EML1: variants seen among roughly 807,000 people sequenced by gnomAD.
EML1 encodes echinoderm microtubule-associated protein-like 1.
EML1 carries 27 observed loss-of-function variants against 110.4 expected under a neutral mutation model. That is an observed-to-expected ratio of 0.24 (90% CI 0.18 to 0.34). EML1 has a LOEUF of 0.34. Ranked by LOEUF, EML1 falls within the 10% of genes least tolerant of loss-of-function variation. The pLI, the probability that EML1 is intolerant of heterozygous loss-of-function variation, is 1.00. For synonymous variants in EML1, 344 were observed against 385.8 expected, an observed-to-expected ratio of 0.89 and a Z score of 1.27; for missense variants, 741 against 1,030.9, an observed-to-expected ratio of 0.72 and a Z score of 3.85.
chr14:99,786,653 C>T (rs1388179026), intron 1 of EML1, among the ~76,000 whole-genome samples: 3 of 152,202 alleles, frequency 2.0e-5, no homozygotes, highest in African/African-American at 4.8e-5. Context: ...GTGCACGGCA[C>T]GTCTGAGAGT....
At chr14:99,935,643 C>T (rs564190735) in intron 17 of EML1, among the ~76,000 whole-genome samples, 2 of 152,082 alleles carry the variant, frequency 1.3e-5, no homozygotes, top group Admixed American at 1.3e-4. Flanking sequence ...ATTAGCCAAG[C>T]GTGGTGGCAC....
chr14:99,898,123 AG>A, intron 7 of EML1, 109 bp from the exon 8 acceptor site: 1 of 796,980 alleles, frequency 1.3e-6, no homozygotes, highest in Non-Finnish European at 1.8e-6. Flanking sequence ...GTAAGAAGTT[AG>A]GCATTATATA....
At chr14:99,811,438 A>G (rs544583216) in intron 1 of EML1, among the ~76,000 whole-genome samples, 4 of 150,636 alleles carry the variant, frequency 2.7e-5, no homozygotes, top group Admixed American at 1.3e-4. Context: ...CGATTAACAC[A>G]TATTTTGTAT....
chr14:99,805,489 C>A (rs1167280766), intron 1 of EML1, among the ~76,000 whole-genome samples: 2 of 151,946 alleles, frequency 1.3e-5, no homozygotes, highest in African/African-American at 4.8e-5. Flanking sequence ...TTTTTTAAAT[C>A]TTTTGAGGTA....
Position 99,905,276 on chromosome 14 carries a change from C to T in EML1, c.1009-2362C>T, listed in dbSNP as rs2059825738. 6.6e-6 allele frequency among the ~76,000 whole-genome samples: 1 copy of T among 152,232 alleles called. No individual in the cohort carries two copies. The highest frequency in any genetic ancestry group is 2.4e-5 in the African/African-American group (1 of 41,460). ...ATTAGCCATTCAGCTCAGCACCCAGCACCCAAAATCAAACTGGCAGGGCTC... is the reference window on the plus strand; with the variant it reads ...ATTAGCCATTCAGCTCAGCACCCAGTACCCAAAATCAAACTGGCAGGGCTC... On this transcript the variant is annotated intron_variant, in intron 9 of 21. Coordinates refer to ENST00000262233, the MANE Select transcript of EML1 (RefSeq NM_004434.3). This position sits in a 1 kb window ranked among gnomAD's most constrained non-coding sequence, Gnocchi z 4.1.
chr14:99,777,344 C>T (rs926712863), intron 1 of EML1, among the ~76,000 whole-genome samples: 1 of 152,174 alleles, frequency 6.6e-6, no homozygotes, highest in Non-Finnish European at 1.5e-5. Context: ...CTTCCTACCT[C>T]CCGGAAGCAG....
intron 2 of EML1, among the ~76,000 whole-genome samples, chr14:99,851,591 G>A (rs2058805180): frequency 6.6e-6 from 1 of 152,222 alleles, no homozygotes; most frequent in African/African-American, 2.4e-5. Context: ...ACAGGCGTGA[G>A]CCACTGCGCC....
intron 1 of EML1, among the ~76,000 whole-genome samples, chr14:99,741,243 T>C (rs1203479596): frequency 1.3e-5 from 2 of 152,214 alleles, no homozygotes; most frequent in Admixed American, 6.5e-5. Flanking sequence ...AGAGTGACCC[T>C]GTCTCTCCTC....
chr14:99,830,044 G>A (rs886872249), intron 1 of EML1, among the ~76,000 whole-genome samples: 6 of 152,186 alleles, frequency 3.9e-5, no homozygotes, highest in Non-Finnish European at 7.3e-5. Context: ...GTGATCCTAC[G>A]TTTAACTTTT....
Position 99,807,262 on chromosome 14 carries a change from C to CTT in EML1, c.67+13719_67+13720insTT, listed in dbSNP as rs549019545. Among the ~76,000 whole-genome samples the CTT allele has an allele frequency of 1.1e-4, 16 of 152,358 alleles. No individual in the cohort carries two copies. The South Asian group carries it at 2.9e-3, about 28-fold the overall frequency. On this transcript the variant is annotated intron_variant, in intron 1 of 21. Coordinates refer to ENST00000262233, the MANE Select transcript of EML1 (RefSeq NM_004434.3). ...AGTGCATAGGCTTTGGAGACAGACACATCTGGGTTGCAGCCTTGATTCTGC... is the reference window on the plus strand; with the variant it reads ...AGTGCATAGGCTTTGGAGACAGACACTTATCTGGGTTGCAGCCTTGATTCTGC...
At chr14:99,904,929 G>A (rs2059818965) in intron 9 of EML1, among the ~76,000 whole-genome samples, 1 of 152,110 alleles carries the variant, frequency 6.6e-6, no homozygotes, top group Non-Finnish European at 1.5e-5. Context: ...ATAACACAAA[G>A]CACAACAGAT....
At chr14:99,795,079 C>A (rs1263214030) in intron 1 of EML1, among the ~76,000 whole-genome samples, 2 of 152,174 alleles carry the variant, frequency 1.3e-5, no homozygotes, top group African/African-American at 2.4e-5. Flanking sequence ...GACTTTGAGG[C>A]ATCAGGTCTT....
intron 1 of EML1, among the ~76,000 whole-genome samples, chr14:99,760,359 T>TC (rs1408242588): frequency 1.3e-5 from 2 of 151,994 alleles, no homozygotes; most frequent in East Asian, 1.9e-4. Context: ...TCCAGTTTCC[T>TC]CCCCCCACCC....
At chr14:99,785,663 C>G (rs1423754843) in intron 1 of EML1, among the ~76,000 whole-genome samples, 19 of 152,102 alleles carry the variant, frequency 1.2e-4, no homozygotes, top group Non-Finnish European at 2.5e-4. Context: ...CTTTGAAGAG[C>G]TAGCATGTAA....
upstream of EML1, among the ~76,000 whole-genome samples, chr14:99,772,404 C>T (rs745984760): frequency 5.9e-5 from 9 of 152,192 alleles, no homozygotes; most frequent in Non-Finnish European, 1.3e-4. Context: ...TCCAGGGCTG[C>T]TTCTCTTGCT....
At chr14:99,744,363 C>T (rs964771414) in intron 1 of EML1, among the ~76,000 whole-genome samples, 1 of 152,118 alleles carries the variant, frequency 6.6e-6, no homozygotes, top group Non-Finnish European at 1.5e-5. Context: ...AGAGAGATGG[C>T]GACACAGCAC....
Position 99,909,421 on chromosome 14 carries a change from A to G in EML1, c.1181A>G (p.His394Arg). 1.2e-6 allele frequency: 2 copies of G among 1,614,214 alleles called. No individual in the cohort carries two copies. Among genetic ancestry groups the G allele is most frequent in the Non-Finnish European group, 1.7e-6 (2 of 1,180,042 alleles). ...ATCATAGTTACTTGTGGAAAATCAC[A>G]TCTCTACTTTTGGACACTAGAAGGA... ...TNIIVTCGKS[H>R]LYFWTLEGSS... The change falls in exon 11 of 22, where the codon CAT becomes CGT. Residue 394 changes from histidine (H) to arginine (R), a missense_variant. His to Arg is a conservative substitution (Grantham distance 29). Transcript: ENST00000262233.
intron 10 of EML1, 37 bp from the exon 11 acceptor site, chr14:99,909,308 G>T: frequency 6.2e-7 from 1 of 1,614,068 alleles, no homozygotes; most frequent in East Asian, 2.2e-5. Flanking sequence ...CGCGTCTTAA[G>T]AGATGTGAGG....
chr14:99,810,821 T>C (rs1400004899), intron 1 of EML1, among the ~76,000 whole-genome samples: 1 of 152,196 alleles, frequency 6.6e-6, no homozygotes, highest in Non-Finnish European at 1.5e-5. Context: ...AAGGAGTGGA[T>C]CTTAAATGTT....
Sources: allele counts gnomAD v4.1 joint callset (sites outside exome capture counted in the v4.1 genomes callset), GRCh38; gene constraint gnomAD v4.1.1; non-coding constraint Gnocchi (gnomAD v3.1); transcripts MANE v1.5; gene names NCBI Gene and HGNC (gene_info 2026-07-23, HGNC 2026-07-21).